Variants in PTPRD observed in about 807,000 individuals in gnomAD.
PTPRD encodes receptor-type tyrosine-protein phosphatase delta.
PTPRD carries 34 observed loss-of-function variants against 214.5 expected under a neutral mutation model. That is an observed-to-expected ratio of 0.16 (90% CI 0.12 to 0.21). The LOEUF (loss-of-function observed/expected upper bound fraction) is 0.21. Among genes scored for constraint, PTPRD ranks in the 10% least tolerant of loss-of-function variants. PTPRD has a pLI of 1.00. For synonymous variants in PTPRD, 1,128 were observed against 845.7 expected (o/e 1.33, Z -5.79); for missense variants, 2,545 against 2,398.7 (o/e 1.06, Z -1.27).
intron 13 of PTPRD, 149 bp downstream of exon 13, chr9:8,636,550 T>G: frequency 9.4e-7 from 1 of 1,065,222 alleles, no homozygotes; most frequent in Non-Finnish European, 1.3e-6. Context: ...AAAAAGCCAT[T>G]TAGAGTTACA....
intron 2 of PTPRD, among the ~76,000 whole-genome samples, chr9:10,401,796 T>G (rs2098274246): frequency 6.6e-6 from 1 of 150,972 alleles, no homozygotes; most frequent in African/African-American, 2.4e-5. Context: ...ATTTCATATG[T>G]GTCCTACCCC....
At chr9:9,461,386 A>T (rs974416237) in intron 8 of PTPRD, among the ~76,000 whole-genome samples, 1 of 152,098 alleles carries the variant, frequency 6.6e-6, no homozygotes, top group Non-Finnish European at 1.5e-5. Flanking sequence ...ATTTTTTATT[A>T]CCAAAATATG....
At chr9:10,348,602 T>C (rs947336044) in intron 2 of PTPRD, among the ~76,000 whole-genome samples, 3 of 152,208 alleles carry the variant, frequency 2.0e-5, no homozygotes, top group Non-Finnish European at 4.4e-5. Flanking sequence ...TTTTAGTATA[T>C]GCTATTGAAA....
chr9:9,713,897 G>A (rs1000109596), intron 7 of PTPRD, among the ~76,000 whole-genome samples: 3 of 151,820 alleles, frequency 2.0e-5, no homozygotes, highest in Admixed American at 2.0e-4. Flanking sequence ...CCAAACTTAT[G>A]TTTCTACAGT....
intron 11 of PTPRD, among the ~76,000 whole-genome samples, chr9:8,841,136 C>G (rs1296882943): frequency 2.0e-5 from 3 of 152,132 alleles, no homozygotes; most frequent in African/African-American, 7.2e-5. Context: ...TCATAATACT[C>G]CTGTGACCAT....
At chr9:8,350,992 A>C (rs755203188) in intron 39 of PTPRD, among the ~76,000 whole-genome samples, 1 of 152,180 alleles carries the variant, frequency 6.6e-6, no homozygotes, top group East Asian at 1.9e-4. Context: ...GTCTATCTAC[A>C]CATATGCACA....
At chr9:9,037,763 G>A (rs557122702) in intron 10 of PTPRD, among the ~76,000 whole-genome samples, 2 of 152,256 alleles carry the variant, frequency 1.3e-5, no homozygotes, top group Admixed American at 6.5e-5. Context: ...ATTTAAGTAA[G>A]CTAGGAAGAG....
Position 8,376,615 on chromosome 9 carries a change from G to C in PTPRD, c.4498C>G (p.Leu1500Val). ...AAAGATGAAAAGCAAACCTTGTAAA[G>C]TGCAAATGTTCGAACACAATATGTG... is the stretch of plus-strand genomic sequence containing the variant. Reference protein sequence around the residue: ...LATYCVRTFALYKNGSSEKRE... With the variant: ...LATYCVRTFAVYKNGSSEKRE... Residue 1500 changes from leucine (L) to valine (V), a missense_variant, in exon 38 of 46, where the codon CTT becomes GTT. Coordinates refer to ENST00000381196, the MANE Select transcript of PTPRD (RefSeq NM_002839.4). 2 of 1,612,866 alleles carry C rather than the reference G, an allele frequency of 1.2e-6. No homozygotes were observed. The highest frequency in any genetic ancestry group is 1.7e-6 in the Non-Finnish European group (2 of 1,179,196).
At chr9:10,276,263 A>G (rs2094683812) in intron 3 of PTPRD, among the ~76,000 whole-genome samples, 2 of 152,222 alleles carry the variant, frequency 1.3e-5, no homozygotes, top group African/African-American at 4.8e-5. Flanking sequence ...GGGAAATGTC[A>G]CATGTTCAGC....
chr9:10,308,874 G>T (rs1375228652), intron 3 of PTPRD, among the ~76,000 whole-genome samples: 1 of 151,928 alleles, frequency 6.6e-6, no homozygotes, highest in Non-Finnish European at 1.5e-5. Flanking sequence ...GTCACTGGGC[G>T]GTTAGACTGC....
At chr9:9,885,533 T>C (rs181137784) in intron 5 of PTPRD, among the ~76,000 whole-genome samples, 126 of 152,082 alleles carry the variant, frequency 8.3e-4, no homozygotes, top group African/African-American at 2.8e-3. Flanking sequence ...ACTTTGCAGA[T>C]TTGAATATGT....
At chr9:10,237,341 T>C (rs922992275) in intron 3 of PTPRD, among the ~76,000 whole-genome samples, 2 of 151,960 alleles carry the variant, frequency 1.3e-5, no homozygotes, top group Non-Finnish European at 2.9e-5. Flanking sequence ...TATATCATTG[T>C]TATGCTGAAT....
intron 11 of PTPRD, among the ~76,000 whole-genome samples, chr9:9,005,003 A>G (rs2099453540): frequency 6.6e-6 from 1 of 152,122 alleles, no homozygotes; most frequent in Admixed American, 6.6e-5. Flanking sequence ...AGGCCATAGC[A>G]TCATTTGCTG....
At chr9:10,338,514 C>A (rs1433520727) in intron 3 of PTPRD, among the ~76,000 whole-genome samples, 1 of 151,700 alleles carries the variant, frequency 6.6e-6, no homozygotes, top group Non-Finnish European at 1.5e-5. Context: ...CCCAAAACCC[C>A]ACAAGGTTGG....
intron 11 of PTPRD, among the ~76,000 whole-genome samples, chr9:8,852,636 A>T (rs765614160): frequency 3.3e-5 from 5 of 152,216 alleles, no homozygotes; most frequent in African/African-American, 7.2e-5. Context: ...CTACTAGCTT[A>T]CAGACAGAAT....
chr9:8,521,633 G>T, intron 19 of PTPRD, 87 bp from the exon 20 acceptor site: 4 of 1,421,326 alleles, frequency 2.8e-6, no homozygotes, highest in Non-Finnish European at 3.8e-6. Flanking sequence ...GTACAGACAC[G>T]ATTCAACAAT....
At chr9:9,014,728 T>C (rs2099527280) in intron 11 of PTPRD, among the ~76,000 whole-genome samples, 1 of 152,172 alleles carries the variant, frequency 6.6e-6, no homozygotes, top group South Asian at 2.1e-4. Flanking sequence ...AATGTATTTC[T>C]AAACACATTG....
intron 30 of PTPRD, among the ~76,000 whole-genome samples, chr9:8,478,038 G>A (rs560849426): frequency 6.6e-6 from 1 of 152,282 alleles, no homozygotes; most frequent in South Asian, 2.1e-4. Flanking sequence ...CCTTTGCAAA[G>A]CACCTAGTAT....
chr9:10,447,047 G>C (rs1045451737), intron 2 of PTPRD, among the ~76,000 whole-genome samples: 6 of 152,070 alleles, frequency 3.9e-5, no homozygotes, highest in Non-Finnish European at 8.8e-5. Context: ...TGCTCACATA[G>C]GTATTGAGAT....
Sources: gnomAD v4.1 joint callset for allele counts (sites outside exome capture counted in the v4.1 genomes callset) on GRCh38, gnomAD v4.1.1 for gene constraint, MANE v1.5 for transcripts, NCBI Gene and HGNC (gene_info 2026-07-23, HGNC 2026-07-21) for gene names.